The following IL7 variants were observed in gnomAD, a reference collection of about 807,000 sequenced individuals.
IL7 encodes the protein interleukin-7.
A neutral mutation model predicts 21.6 loss-of-function variants in IL7; 3 were observed. The ratio of observed to expected loss-of-function variants is 0.14; its 90% CI spans 0.06 to 0.36. The LOEUF (loss-of-function observed/expected upper bound fraction) is 0.36. IL7 is among the 10% of genes least tolerant of loss of function. The pLI, the probability that IL7 is intolerant of heterozygous loss-of-function variation, is 1.00. For synonymous variants in IL7, 62 were observed against 68.1 expected, an observed-to-expected ratio of 0.91 and a Z score of 0.44; for missense variants, 175 against 200.2, an observed-to-expected ratio of 0.87 and a Z score of 0.76.
chr8:78,743,835 T>C (rs1811882689), intron 2 of IL7, among the ~76,000 whole-genome samples: 3 of 152,152 alleles, frequency 2.0e-5, no homozygotes, highest in African/African-American at 2.4e-5. Flanking sequence ...CAATTTTCCA[T>C]AGGGCTGCTG....
At chr8:78,718,757 A>C (rs1811179473) in intron 6 of IL7, 1 of 151,882 alleles carries the variant, frequency 6.6e-6, no homozygotes. Flanking sequence ...CATAGTAGTT[A>C]GTAGTAGATT....
At chr8:78,764,617 TA>T (rs796433580) in intron 2 of IL7, among the ~76,000 whole-genome samples, 3 of 149,926 alleles carry the variant, frequency 2.0e-5, no homozygotes, top group Non-Finnish European at 3.0e-5. Context: ...AGTGTAAATC[TA>T]AAAAAAAATG....
At chr8:78,757,410 T>G (rs1812384218) in intron 2 of IL7, among the ~76,000 whole-genome samples, 1 of 152,084 alleles carries the variant, frequency 6.6e-6, no homozygotes, top group Non-Finnish European at 1.5e-5. Flanking sequence ...CCACTTGGTC[T>G]ATAGCACAGA....
intron 3 of IL7, among the ~76,000 whole-genome samples, chr8:78,696,022 A>C (rs1438738549): frequency 2.0e-5 from 3 of 151,958 alleles, no homozygotes; most frequent in African/African-American, 7.3e-5. Flanking sequence ...GAAAATGATA[A>C]TTTAAAACCA....
chr8:78,715,157 G>A (rs1231842671), downstream of IL7: 3 of 1,398,636 alleles, frequency 2.1e-6, no homozygotes, highest in East Asian at 7.1e-5. Flanking sequence ...CATGTGAATA[G>A]GTAATTTGAG....
Position 78,734,665 on chromosome 8 carries a change from T to G in IL7, c.415-833A>C, listed in dbSNP as rs560130369. ...TTTTCAACAATCACTAGCAAGTAAA[T>G]GGATGTGCAAGCAATATAAAAACTA... On this transcript the variant is annotated intron_variant, in intron 5 of 5. Transcript: ENST00000263851. 4.6e-5 allele frequency among the ~76,000 whole-genome samples: 7 copies of G among 152,262 alleles called. No individual in the cohort carries two copies. In the East Asian group the frequency reaches 1.2e-3, roughly 25 times the overall value.
intron 3 of IL7, among the ~76,000 whole-genome samples, chr8:78,690,707 CA>C (rs1290987615): frequency 6.6e-6 from 1 of 152,058 alleles, no homozygotes; most frequent in Non-Finnish European, 1.5e-5. Context: ...GACATTTTAA[CA>C]ATATTGAGTT....
intron 5 of IL7, chr8:78,719,588 T>TA (rs1309390113): frequency 6.6e-6 from 1 of 151,850 alleles, no homozygotes; most frequent in African/African-American, 2.4e-5. Context: ...TATGGTAGAA[T>TA]AAAAGATGAT....
chr8:78,693,596 A>C (rs888714266), intron 3 of IL7, among the ~76,000 whole-genome samples: 1 of 151,684 alleles, frequency 6.6e-6, no homozygotes, highest in Non-Finnish European at 1.5e-5. Context: ...TTTTTCTTGT[A>C]AATTTGTTGG....
chr8:78,779,904 C>T (rs563943112), intron 2 of IL7, among the ~76,000 whole-genome samples: 20 of 152,248 alleles, frequency 1.3e-4, no homozygotes, highest in Non-Finnish European at 2.4e-4. Context: ...ATTACTGCCT[C>T]AATTTCAGAA....
intron 2 of IL7, chr8:78,761,259 A>G: frequency 1.2e-6 from 2 of 1,605,928 alleles, no homozygotes; most frequent in Non-Finnish European, 1.7e-6. Context: ...CGATGGAAAA[A>G]AGAACAAACT....
intron 2 of IL7, among the ~76,000 whole-genome samples, chr8:78,769,469 A>G (rs1171011487): frequency 6.8e-6 from 1 of 147,538 alleles, no homozygotes. Flanking sequence ...TAGGAATCCA[A>G]CTTACAAGGG....
intron 2 of IL7, among the ~76,000 whole-genome samples, chr8:78,752,925 CATT>C (rs1166472344): frequency 6.6e-6 from 1 of 152,058 alleles, no homozygotes; most frequent in Non-Finnish European, 1.5e-5. Context: ...GACATGAACT[CATT>C]ATTTTTTATG....
chr8:78,712,506 T>C (rs919264522), intron 3 of IL7, among the ~76,000 whole-genome samples: 2 of 152,166 alleles, frequency 1.3e-5, no homozygotes, highest in Admixed American at 1.3e-4. Context: ...GATAAGCCGA[T>C]GGTGAACTAT....
At chr8:78,678,975 ATTCTT>A (rs1254931038) in intron 4 of IL7, 10 of 189,480 alleles carry the variant, frequency 5.3e-5, no homozygotes, top group Non-Finnish European at 1.1e-4. Context: ...GCTGTCCCAC[ATTCTT>A]TTCAAGTCAT....
chr8:78,792,950 C>T (rs1813742458), intron 2 of IL7, among the ~76,000 whole-genome samples: 1 of 152,052 alleles, frequency 6.6e-6, no homozygotes, highest in South Asian at 2.1e-4. Flanking sequence ...TAAAAACTTG[C>T]ATAGCCAAAC....
At chr8:78,753,835 C>A (rs564304462) in intron 2 of IL7, among the ~76,000 whole-genome samples, 1 of 152,148 alleles carries the variant, frequency 6.6e-6, no homozygotes, top group Non-Finnish European at 1.5e-5. Context: ...ATAGGGAAAC[C>A]TTTCCCCATT....
At chr8:78,690,376 C>T (rs1382511121) in intron 3 of IL7, among the ~76,000 whole-genome samples, 5 of 152,060 alleles carry the variant, frequency 3.3e-5, no homozygotes, top group Admixed American at 6.6e-5. Context: ...CTGGCTAACA[C>T]GGTGAAACCC....
At chr8:78,725,234 G>C (rs957555308) in intron 3 of IL7, among the ~76,000 whole-genome samples, 1 of 151,954 alleles carries the variant, frequency 6.6e-6, no homozygotes. Flanking sequence ...CCATTTCCTA[G>C]TGAGGATGGT....
Sources: gnomAD v4.1 joint callset for allele counts (sites outside exome capture counted in the v4.1 genomes callset) on GRCh38, gnomAD v4.1.1 for gene constraint, MANE v1.5 for transcripts, NCBI Gene and HGNC (gene_info 2026-07-23, HGNC 2026-07-21) for gene names.